The following CDH12 variants were observed in gnomAD, a reference collection of about 807,000 sequenced individuals.
The protein encoded by CDH12 is cadherin 12, also known as cadherin-12.
In CDH12, 41 loss-of-function variants were observed where a neutral mutation model predicts 74.1. That is an observed-to-expected ratio of 0.55 (90% CI 0.43 to 0.72). The LOEUF is 0.72. Among genes scored for constraint, CDH12 ranks in the 30% least tolerant of loss-of-function variants. The pLI is 0.00. For missense variants in CDH12, 945 were observed against 977.2 expected (o/e 0.97, Z 0.44); for synonymous variants, 399 against 355.0 (o/e 1.12, Z -1.39).
At chr5:22,076,747 C>T (rs1742342292) in intron 5 of CDH12, among the ~76,000 whole-genome samples, 1 of 152,130 alleles carries the variant, frequency 6.6e-6, no homozygotes, top group Non-Finnish European at 1.5e-5. Context: ...CCTCCGGGGA[C>T]TTCCATATTT....
At chr5:22,570,439 A>T (rs530662722) in intron 1 of CDH12, among the ~76,000 whole-genome samples, 1 of 152,298 alleles carries the variant, frequency 6.6e-6, no homozygotes, top group African/African-American at 2.4e-5. Flanking sequence ...TCACAGGTAT[A>T]AAAATAACAT....
chr5:22,724,046 T>C (rs1386129191), intron 1 of CDH12, among the ~76,000 whole-genome samples: 1 of 151,698 alleles, frequency 6.6e-6, no homozygotes, highest in Admixed American at 6.6e-5. Flanking sequence ...TGTTAAATTC[T>C]TAGCGTCACA....
chr5:21,878,555 C>T (rs2150027716), intron 6 of CDH12, among the ~76,000 whole-genome samples: 1 of 127,918 alleles, frequency 7.8e-6, no homozygotes, highest in Non-Finnish European at 1.6e-5. Context: ...ATGGTGCAAC[C>T]CTGTCTCTAC....
chr5:22,212,870 C>G (rs2150363684), intron 3 of CDH12: 1 of 152,246 alleles, frequency 6.6e-6, no homozygotes, highest in East Asian at 1.9e-4. Context: ...CTCCCGGGAA[C>G]TGGAAAAGGC....
rs986782752 is a variant in CDH12 at position 22,345,077 on chromosome 5, A to G, written c.-333+60180T>C. On this transcript the variant is annotated intron_variant, in intron 3 of 14. Transcript: ENST00000382254. ...CTTGCCAATTTCAAAATAAAACACA[A>G]TGTCTTAAACTTAACAGCGCACTGC... 2.0e-5 allele frequency among the ~76,000 whole-genome samples: 3 copies of G among 152,338 alleles called. No individual in the cohort carries two copies. In the South Asian group the frequency reaches 6.2e-4, roughly 32 times the overall value.
intron 2 of CDH12, among the ~76,000 whole-genome samples, chr5:22,502,972 T>C (rs575892463): frequency 3.3e-5 from 5 of 152,270 alleles, no homozygotes; most frequent in African/African-American, 1.2e-4. Flanking sequence ...TATTTTTATC[T>C]ATTTCTCTTT....
At chr5:21,942,319 T>G (rs1391448216) in intron 6 of CDH12, among the ~76,000 whole-genome samples, 2 of 142,446 alleles carry the variant, frequency 1.4e-5, no homozygotes, top group Non-Finnish European at 3.0e-5. Context: ...CTCCAGCCAC[T>G]ATGAGACAAA....
At chr5:22,610,990 C>A (rs1737369143) in intron 1 of CDH12, among the ~76,000 whole-genome samples, 1 of 152,078 alleles carries the variant, frequency 6.6e-6, no homozygotes, top group Non-Finnish European at 1.5e-5. Context: ...TGACTTCATC[C>A]CCAAACTGTT....
chr5:22,360,292 A>C (rs1483234161), intron 3 of CDH12, among the ~76,000 whole-genome samples: 1 of 152,186 alleles, frequency 6.6e-6, no homozygotes, highest in Non-Finnish European at 1.5e-5. Flanking sequence ...ATCAGAGAAT[A>C]CTATAAACAC....
chr5:22,350,804 C>A (rs1265119980), intron 3 of CDH12, among the ~76,000 whole-genome samples: 3 of 152,100 alleles, frequency 2.0e-5, no homozygotes, highest in African/African-American at 7.2e-5. Flanking sequence ...AATGTTAAAT[C>A]TAATTTATTA....
intron 5 of CDH12, among the ~76,000 whole-genome samples, chr5:22,000,307 T>A (rs553478696): frequency 6.6e-6 from 1 of 152,264 alleles, no homozygotes; most frequent in African/African-American, 2.4e-5. Flanking sequence ...TATTTGTTTT[T>A]ATCTTTGACA....
chr5:22,503,102 A>C (rs1736238726), intron 2 of CDH12, among the ~76,000 whole-genome samples: 1 of 152,154 alleles, frequency 6.6e-6, no homozygotes, highest in African/African-American at 2.4e-5. Flanking sequence ...GTATTCTATA[A>C]ATGATCAAAG....
At chr5:21,828,427 C>T (rs1468445484) in intron 8 of CDH12, among the ~76,000 whole-genome samples, 1 of 151,946 alleles carries the variant, frequency 6.6e-6, no homozygotes, top group African/African-American at 2.4e-5. Flanking sequence ...TGGCCAAAAA[C>T]ACTGAAAATT....
At position 22,405,335 on chromosome 5, in the gene CDH12, A is replaced by G; in HGVS notation, c.-411T>C. 3 of 972,692 alleles carry G rather than the reference A, an allele frequency of 3.1e-6. No individual in the cohort carries two copies. Among genetic ancestry groups the G allele is most frequent in the Non-Finnish European group, 3.7e-6 (3 of 818,242 alleles). 60.3% of individuals were successfully genotyped at this position (972,692 alleles called of 1,614,324 possible). A position where few individuals can be genotyped will look rare whatever the true frequency, so the allele number is the denominator to read the frequency against. On this transcript the variant is annotated 5_prime_UTR_variant, in exon 3 of 15. Coordinates refer to ENST00000382254, the MANE Select transcript of CDH12 (RefSeq NM_004061.5). ...GACCTCCACAGTAACTTGATTCTAT[A>G]GCACTGGACATCAAAGCTGAAAAAT... is the stretch of plus-strand genomic sequence containing the variant.
chr5:22,441,856 A>C (rs897304449), intron 2 of CDH12, among the ~76,000 whole-genome samples: 3 of 152,052 alleles, frequency 2.0e-5, no homozygotes, highest in Non-Finnish European at 4.4e-5. Flanking sequence ...GGCGTCTGCC[A>C]CCATGCCTGG....
chr5:21,760,013 A>T (rs1193869239), intron 13 of CDH12, among the ~76,000 whole-genome samples: 1 of 152,140 alleles, frequency 6.6e-6, no homozygotes, highest in Non-Finnish European at 1.5e-5. Flanking sequence ...AAAAGACATG[A>T]TCTCATTCTT....
At chr5:22,838,814 G>A (rs1324455582) in intron 1 of CDH12, among the ~76,000 whole-genome samples, 2 of 151,816 alleles carry the variant, frequency 1.3e-5, no homozygotes, top group Admixed American at 6.6e-5. Flanking sequence ...GAGTAGCTAG[G>A]ACTACAGGCA....
intron 2 of CDH12, among the ~76,000 whole-genome samples, chr5:22,436,282 G>A (rs1580647883): frequency 6.4e-5 from 1 of 15,534 alleles, no homozygotes; most frequent in Non-Finnish European, 2.3e-4. Flanking sequence ...GGTAGGGGGA[G>A]GGGGGAGGGG....
At chr5:22,331,393 G>A (rs1329642804) in intron 3 of CDH12, among the ~76,000 whole-genome samples, 2 of 152,148 alleles carry the variant, frequency 1.3e-5, no homozygotes, top group African/African-American at 2.4e-5. Flanking sequence ...ATATCTTTAA[G>A]AGCAAGGAAG....
Sources: gnomAD v4.1 joint callset for allele counts (sites outside exome capture counted in the v4.1 genomes callset) on GRCh38, gnomAD v4.1.1 for gene constraint, MANE v1.5 for transcripts, NCBI Gene and HGNC (gene_info 2026-07-23, HGNC 2026-07-21) for gene names.